Variants in CDH13 observed in about 807,000 individuals in gnomAD.
CDH13 encodes cadherin 13, also known as cadherin-13.
In CDH13, 24 loss-of-function variants were observed where a neutral mutation model predicts 63.8. The ratio of observed to expected loss-of-function variants is 0.38; its 90% CI spans 0.27 to 0.53. CDH13 has a LOEUF of 0.53. CDH13 is among the 20% of genes least tolerant of loss of function. CDH13 has a pLI of 0.85. For synonymous variants in CDH13, 503 were observed against 355.3 expected (o/e 1.42, Z -4.67); for missense variants, 1,049 against 903.1 (o/e 1.16, Z -2.07).
At chr16:83,056,123 C>G (rs2030903191) in intron 3 of CDH13, among the ~76,000 whole-genome samples, 1 of 152,122 alleles carries the variant, frequency 6.6e-6, no homozygotes, top group African/African-American at 2.4e-5. Flanking sequence ...CACTAGTCAT[C>G]AAGGAAATGC....
intron 6 of CDH13, among the ~76,000 whole-genome samples, chr16:83,451,542 C>G (rs115248149): frequency 6.6e-6 from 1 of 152,142 alleles, no homozygotes; most frequent in Admixed American, 6.5e-5. Context: ...TTTTTTGAGA[C>G]AGGCTCTTCC....
At chr16:82,660,819 G>A (rs1488174426) in intron 1 of CDH13, among the ~76,000 whole-genome samples, 1 of 152,080 alleles carries the variant, frequency 6.6e-6, no homozygotes, top group Non-Finnish European at 1.5e-5. Context: ...TGCTGCTGCT[G>A]CTTCAATTTT....
chr16:82,628,791 T>G (rs773651788), intron 1 of CDH13, among the ~76,000 whole-genome samples: 1 of 152,190 alleles, frequency 6.6e-6, no homozygotes, highest in Non-Finnish European at 1.5e-5. Flanking sequence ...GCAAGGCGGT[T>G]TGGAGCATGC....
Position 83,339,343 on chromosome 16 carries a change from G to A in CDH13, c.637-5519G>A, listed in dbSNP as rs142980907. Reference sequence around the variant, plus strand: ...ACTTTCTGGTTGCTCAAAAATCCTTGCCTCCAATGATGTCAATAATATTTT... The same window carrying A: ...ACTTTCTGGTTGCTCAAAAATCCTTACCTCCAATGATGTCAATAATATTTT... On this transcript the variant is annotated intron_variant, in intron 5 of 13. Coordinates refer to ENST00000567109, the MANE Select transcript of CDH13 (RefSeq NM_001257.5). Among the ~76,000 whole-genome samples the A allele has an allele frequency of 5.3e-3, 804 of 152,192 alleles. 7 individuals are homozygous for A. Among genetic ancestry groups the A allele is most frequent in the Middle Eastern group, 0.021 (6 of 292 alleles).
At chr16:83,466,263 G>A (rs933632677) in intron 6 of CDH13, among the ~76,000 whole-genome samples, 4 of 152,184 alleles carry the variant, frequency 2.6e-5, no homozygotes, top group Non-Finnish European at 5.9e-5. Context: ...ACCTCAGTAA[G>A]GAAGACACCA....
chr16:83,555,829 A>G (rs1346562757), intron 7 of CDH13, among the ~76,000 whole-genome samples: 1 of 152,246 alleles, frequency 6.6e-6, no homozygotes, highest in Non-Finnish European at 1.5e-5. Context: ...TGAGGATTGT[A>G]AACATCTTAG....
At chr16:82,882,931 C>G (rs963391334) in intron 2 of CDH13, among the ~76,000 whole-genome samples, 2 of 152,142 alleles carry the variant, frequency 1.3e-5, no homozygotes, top group Non-Finnish European at 2.9e-5. Flanking sequence ...TATAAGCCTA[C>G]CCCTTTAATG....
rs78037065 is a variant in CDH13 at position 83,625,354 on chromosome 16, T to G, written c.1101+22760T>G. Among the ~76,000 whole-genome samples, 392 of 152,316 alleles carry G rather than the reference T, an allele frequency of 2.6e-3. 1 individual carries two copies. The highest frequency in any genetic ancestry group is 8.9e-3 in the African/African-American group (370 of 41,572). ...GGTTCCTGTGTTCCAAAGCTCCGCA[T>G]GTACCCTGTTTAAAGGACGGTCCAC... On this transcript the variant is annotated intron_variant, in intron 8 of 13. Transcript: ENST00000567109.
At chr16:83,716,127 TG>T (rs1908858486) in intron 10 of CDH13, among the ~76,000 whole-genome samples, 1 of 152,216 alleles carries the variant, frequency 6.6e-6, no homozygotes. Flanking sequence ...TTAGAGCAGT[TG>T]CAGGTTCACA....
At chr16:83,215,954 T>C (rs945311705) in intron 4 of CDH13, among the ~76,000 whole-genome samples, 1 of 152,090 alleles carries the variant, frequency 6.6e-6, no homozygotes, top group Non-Finnish European at 1.5e-5. Flanking sequence ...CCAATAATAG[T>C]TCTCTTTAGT....
intron 8 of CDH13, among the ~76,000 whole-genome samples, chr16:83,617,305 A>G (rs1397609233): frequency 6.6e-6 from 1 of 152,134 alleles, no homozygotes; most frequent in East Asian, 1.9e-4. Flanking sequence ...ATTCACTATT[A>G]TATACAATGT....
chr16:83,751,300 G>A lies in CDH13; in HGVS notation c.1681+3050G>A, dbSNP rs571608866. ...CACTTGCCTCCAGAATAAACATTGT[G>A]TTTTACAAAGATACACAGGCACAGT... On this transcript the variant is annotated intron_variant, in intron 11 of 13. Transcript: ENST00000567109. Among the ~76,000 whole-genome samples the A allele has an allele frequency of 2.0e-4, 31 of 152,234 alleles. 1 individual carries two copies. The highest frequency in any genetic ancestry group is 7.0e-4 in the African/African-American group (29 of 41,554).
chr16:83,392,925 G>C (rs2091816242), intron 6 of CDH13, among the ~76,000 whole-genome samples: 1 of 29,266 alleles, frequency 3.4e-5, no homozygotes, highest in African/African-American at 5.2e-5. Context: ...GAGGAGAGAG[G>C]TGAAGAGCTG....
chr16:83,017,332 A>G (rs1380589327), intron 2 of CDH13, among the ~76,000 whole-genome samples: 2 of 152,130 alleles, frequency 1.3e-5, no homozygotes, highest in African/African-American at 4.8e-5. Context: ...CACCTTTTTT[A>G]GCTCAAGACA....
At chr16:82,883,556 A>C (rs1375781766) in intron 2 of CDH13, among the ~76,000 whole-genome samples, 2 of 152,182 alleles carry the variant, frequency 1.3e-5, no homozygotes, top group African/African-American at 4.8e-5. Flanking sequence ...TAGCAAACCC[A>C]TGCTTTGTCT....
At chr16:83,328,200 G>T (rs2090408664) in intron 5 of CDH13, among the ~76,000 whole-genome samples, 2 of 152,022 alleles carry the variant, frequency 1.3e-5, no homozygotes, top group South Asian at 2.1e-4. Context: ...GTTGAGCTAG[G>T]GTTGTAAGAA....
rs373783693 is a variant in CDH13, at chr16:83,348,737, C to G, written c.781+3731C>G. ...GGGCAAGTTACTGAACCTTCTAGGA[C>G]CCTCTGCAAATGGGGATAGAATATA... On this transcript the variant is annotated intron_variant, in intron 6 of 13. Transcript: ENST00000567109. Among the ~76,000 whole-genome samples, 37 of 152,272 alleles carry G rather than the reference C, an allele frequency of 2.4e-4. 1 individual carries two copies. The highest frequency in any genetic ancestry group is 8.4e-4 in the African/African-American group (35 of 41,544).
chr16:83,454,699 A>T (rs1299885971), intron 6 of CDH13, among the ~76,000 whole-genome samples: 1 of 124,806 alleles, frequency 8.0e-6, no homozygotes, highest in Non-Finnish European at 1.7e-5. Context: ...TGTAGAACCT[A>T]AATATGTTCT....
At chr16:83,442,647 G>A (rs1270085344) in intron 6 of CDH13, among the ~76,000 whole-genome samples, 2 of 152,098 alleles carry the variant, frequency 1.3e-5, no homozygotes, top group Admixed American at 6.6e-5. Flanking sequence ...TGTAACAAAC[G>A]ACTTTCCAAG....
Sources: allele counts gnomAD v4.1 joint callset (sites outside exome capture counted in the v4.1 genomes callset), GRCh38; gene constraint gnomAD v4.1.1; transcripts MANE v1.5; gene names NCBI Gene and HGNC (gene_info 2026-07-23, HGNC 2026-07-21).